Variants in OR2L3 observed in about 807,000 individuals in gnomAD.
The protein encoded by OR2L3 is olfactory receptor family 2 subfamily L member 3.
For synonymous variants in OR2L3, 131 were observed against 139.1 expected, an observed-to-expected ratio of 0.94 and a Z score of 0.41; for missense variants, 369 against 376.6, an observed-to-expected ratio of 0.98 and a Z score of 0.17.
At chr1:248,048,713 C>T (rs543855176) in intron 1 of OR2L3, among the ~76,000 whole-genome samples, 4 of 152,220 alleles carry the variant, frequency 2.6e-5, no homozygotes, top group Admixed American at 2.6e-4. Flanking sequence ...TAACGGAGAT[C>T]AGTTTCTGGA....
Position 248,060,763 on chromosome 1 carries a change from A to G in OR2L3, c.82A>G (p.Ile28Val), listed in dbSNP as rs147120205. ...PPSRIGLFLFILIVFIFLMAL... is the reference protein window; with the variant it reads ...PPSRIGLFLFVLIVFIFLMAL... ...ATCAAGAATTGGCCTTTTCCTCTTCATCCTCATTGTTTTCATTTTCCTAAT... is the reference window on the plus strand; with the variant it reads ...ATCAAGAATTGGCCTTTTCCTCTTCGTCCTCATTGTTTTCATTTTCCTAAT... The change falls in exon 2 of 2, where the codon ATC becomes GTC. Residue 28 changes from isoleucine to valine, a missense_variant. Ile to Val is a conservative substitution (Grantham distance 29). Transcript: ENST00000359959. 17 of 1,613,840 alleles carry G rather than the reference A, an allele frequency of 1.1e-5. No homozygotes were observed. The African/African-American group carries it at 1.1e-4, about 10-fold the overall frequency.
chr1:248,059,927 C>T (rs1288868770), intron 1 of OR2L3, among the ~76,000 whole-genome samples: 1 of 151,964 alleles, frequency 6.6e-6, no homozygotes, highest in Non-Finnish European at 1.5e-5. Flanking sequence ...GTAGTCTCAG[C>T]TACTCAGGAG....
At chr1:248,059,145 T>C (rs1663535481) in intron 1 of OR2L3, among the ~76,000 whole-genome samples, 1 of 152,210 alleles carries the variant, frequency 6.6e-6, no homozygotes, top group Non-Finnish European at 1.5e-5. Context: ...TGTGTGATTA[T>C]GCATATTTCT....
Position 248,061,025 on chromosome 1 carries a change from C to A in OR2L3, c.344C>A (p.Ala115Glu), listed in dbSNP as rs781193609. ...GGAGGTGCAGAAGCACTACTTTTGG[C>A]ATCTATGGCCTATGATCGTTACATT... ...ALGGAEALLL[A>E]SMAYDRYIAI... Residue 115 changes from alanine to glutamate, a missense_variant, in exon 2 of 2, where the codon GCA (alanine) becomes GAA (glutamate). By Grantham distance (107) the Ala-to-Glu change is moderately radical. Transcript: ENST00000359959. 7 of 1,613,966 alleles carry A rather than the reference C, an allele frequency of 4.3e-6. No individual in the cohort carries two copies. Among genetic ancestry groups the A allele is most frequent in the Non-Finnish European group, 5.1e-6 (6 of 1,180,016 alleles).
In OR2L3 at chr1:248,061,754, C is replaced by A. The variant is rs1663653770; in HGVS notation, c.*134C>A. ...GGTAAGAGAAAAAAATCACTGATTT[C>A]TGGACAAAATTGTTTTACATATATA... On this transcript the variant is annotated 3_prime_UTR_variant, in exon 2 of 2. Coordinates refer to ENST00000359959, the MANE Select transcript of OR2L3 (RefSeq NM_001004687.2). 6.2e-6 allele frequency: 5 copies of A among 805,896 alleles called. No individual in the cohort carries two copies. The South Asian group carries it at 6.8e-5, about 11-fold the overall frequency. The allele number at this position is 805,896 out of a possible 1,614,324, so 49.9% of individuals were successfully genotyped here. A position where few individuals can be genotyped will look rare whatever the true frequency, so the allele number is the denominator to read the frequency against.
Position 248,060,797 on chromosome 1 carries a change from T to A in OR2L3, c.116T>A (p.Ile39Asn). 6.2e-7 allele frequency: 1 copy of A among 1,613,920 alleles called. No individual in the cohort carries two copies. Among genetic ancestry groups the A allele is most frequent in the Non-Finnish European group, 8.5e-7 (1 of 1,179,952 alleles). Residue 39 changes from isoleucine to asparagine, a missense_variant, in exon 2 of 2, where the codon ATT becomes AAT. Physicochemically the swap from Ile to Asn is moderately radical, Grantham distance 149. Coordinates refer to ENST00000359959, the MANE Select transcript of OR2L3 (RefSeq NM_001004687.2). ...GTTTTCATTTTCCTAATGGCTCTAA[T>A]TGGAAACCTATCCATGATTCTTCTC... Reference protein sequence around the residue: ...LIVFIFLMALIGNLSMILLIF... With the variant: ...LIVFIFLMALNGNLSMILLIF...
intron 1 of OR2L3, among the ~76,000 whole-genome samples, chr1:248,052,708 G>A (rs1663303295): frequency 6.6e-6 from 1 of 151,996 alleles, no homozygotes; most frequent in South Asian, 2.1e-4. Flanking sequence ...TCCAGCCTGG[G>A]CGACAGAGTG....
intron 1 of OR2L3, among the ~76,000 whole-genome samples, chr1:248,049,816 AG>A (rs1663197919): frequency 6.6e-6 from 1 of 152,168 alleles, no homozygotes; most frequent in African/African-American, 2.4e-5. Context: ...AAAAATTTTG[AG>A]GGATGAACTA....
At chr1:248,059,546 T>C (rs142764295) in intron 1 of OR2L3, among the ~76,000 whole-genome samples, 29 of 152,310 alleles carry the variant, frequency 1.9e-4, no homozygotes, top group African/African-American at 6.0e-4. Flanking sequence ...GAATGGATGA[T>C]GATGAATATT....
At chr1:248,049,327 G>A (rs183199633) in intron 1 of OR2L3, among the ~76,000 whole-genome samples, 14 of 152,284 alleles carry the variant, frequency 9.2e-5, no homozygotes, top group Admixed American at 7.8e-4. Flanking sequence ...AGAGATCCAT[G>A]CAATGCAATG....
Position 248,048,919 on chromosome 1 carries a change from C to CT in OR2L3, c.-22+2040dup, listed in dbSNP as rs1452819134. 7.1e-3 allele frequency among the ~76,000 whole-genome samples: 983 copies of CT among 138,202 alleles called. 7 individuals are homozygous for CT. The highest frequency in any genetic ancestry group is 0.029 in the African/African-American group (913 of 31,034). 90.7% of individuals were successfully genotyped at this position (138,202 alleles called of 152,430 possible). On this transcript the variant is annotated intron_variant, in intron 1 of 1. Coordinates refer to ENST00000359959, the MANE Select transcript of OR2L3 (RefSeq NM_001004687.2). Reference sequence around the variant, plus strand: ...CCCAGCTTTTTCTTTCCTTTTCTCTCTCTCTTTTTTTTTTTTTTGGTAAAT... The same window carrying CT: ...CCCAGCTTTTTCTTTCCTTTTCTCTCTTCTCTTTTTTTTTTTTTTGGTAAAT...
At chr1:248,059,335 C>T (rs1663542805) in intron 1 of OR2L3, among the ~76,000 whole-genome samples, 1 of 152,132 alleles carries the variant, frequency 6.6e-6, no homozygotes, top group South Asian at 2.1e-4. Context: ...CGCACCTCTA[C>T]CCGGAAGTTT....
Position 248,060,764 on chromosome 1 carries a change from T to A in OR2L3, c.83T>A (p.Ile28Asn). The A allele has an allele frequency of 6.2e-7, 1 of 1,614,116 alleles. No individual in the cohort carries two copies. Among genetic ancestry groups the A allele is most frequent in the Non-Finnish European group, 8.5e-7 (1 of 1,179,986 alleles). ...PPSRIGLFLF[I>N]LIVFIFLMAL... is the part of the protein sequence containing the mutation. ...TCAAGAATTGGCCTTTTCCTCTTCA[T>A]CCTCATTGTTTTCATTTTCCTAATG... The change falls in exon 2 of 2, where the codon ATC becomes AAC. Residue 28 changes from isoleucine to asparagine, a missense_variant. Transcript: ENST00000359959.
intron 1 of OR2L3, among the ~76,000 whole-genome samples, chr1:248,059,179 G>A (rs1371182029): frequency 6.6e-6 from 1 of 152,142 alleles, no homozygotes; most frequent in Non-Finnish European, 1.5e-5. Flanking sequence ...CTGTGTGAAT[G>A]TTAGTTGTAT....
intron 1 of OR2L3, among the ~76,000 whole-genome samples, chr1:248,060,235 A>G (rs59385443): frequency 0.18 from 26,959 of 152,106 alleles, 2,712 homozygotes; most frequent in East Asian, 0.27. Flanking sequence ...GTTGTAATAG[A>G]GATATCTTTC....
chr1:248,051,962 A>G (rs6587416), intron 1 of OR2L3, among the ~76,000 whole-genome samples: 25,385 of 152,064 alleles, frequency 0.17, 2,424 homozygotes, highest in East Asian at 0.32. Flanking sequence ...ATACCTGGAC[A>G]TATGATGCTT....
At chr1:248,059,022 C>G (rs757471024) in intron 1 of OR2L3, among the ~76,000 whole-genome samples, 1 of 152,066 alleles carries the variant, frequency 6.6e-6, no homozygotes, top group Non-Finnish European at 1.5e-5. Flanking sequence ...ATATTTATTT[C>G]ACAGATTTCG....
At chr1:248,049,331 T>C (rs1663182801) in intron 1 of OR2L3, among the ~76,000 whole-genome samples, 1 of 152,216 alleles carries the variant, frequency 6.6e-6, no homozygotes, top group Non-Finnish European at 1.5e-5. Context: ...ATCCATGCAA[T>C]GCAATGATGC....
In OR2L3 at chr1:248,060,905, C is replaced by G; in HGVS notation, c.224C>G (p.Thr75Ser). The change falls in exon 2 of 2, where the codon ACC becomes AGC. Residue 75 changes from threonine to serine, a missense_variant. Thr to Ser is a moderately conservative substitution (Grantham distance 58). Transcript: ENST00000359959. ...CTCATTGACCTAAATTACATCTCCA[C>G]CATTGTTCCTAAGATGGCATCTGAT... The part of the protein sequence containing the change: ...LSLIDLNYIS[T>S]IVPKMASDFL... 3.1e-6 allele frequency: 5 copies of G among 1,613,924 alleles called. No homozygotes were observed. Among genetic ancestry groups the G allele is most frequent in the Non-Finnish European group, 4.2e-6 (5 of 1,179,854 alleles).
Sources: gnomAD v4.1 joint callset for allele counts (sites outside exome capture counted in the v4.1 genomes callset) on GRCh38, gnomAD v4.1.1 for gene constraint, MANE v1.5 for transcripts, NCBI Gene and HGNC (gene_info 2026-07-23, HGNC 2026-07-21) for gene names.